Variants in WWOX observed in about 807,000 individuals in gnomAD.
The protein encoded by WWOX is WW domain-containing oxidoreductase.
In WWOX, 69 loss-of-function variants were observed where a neutral mutation model predicts 46.2. That is an observed-to-expected ratio of 1.49 (90% confidence interval 1.23 to 1.82). WWOX has a LOEUF of 1.82. Ranked by LOEUF, WWOX falls within the 40% of genes most tolerant of loss-of-function variation. The pLI, the probability that WWOX is intolerant of heterozygous loss-of-function variation, is 0.00. For missense variants in WWOX, 919 were observed against 542.6 expected, an observed-to-expected ratio of 1.69 and a Z score of -6.89; for synonymous variants, 359 against 202.6, an observed-to-expected ratio of 1.77 and a Z score of -6.56.
intron 5 of WWOX, among the ~76,000 whole-genome samples, chr16:78,226,989 G>T (rs1008990107): frequency 6.6e-6 from 1 of 152,148 alleles, no homozygotes; most frequent in Non-Finnish European, 1.5e-5. Flanking sequence ...AAAAACAAGA[G>T]GGATTTCTGT....
intron 8 of WWOX, among the ~76,000 whole-genome samples, chr16:78,927,392 A>G (rs949123344): frequency 3.3e-5 from 5 of 152,216 alleles, no homozygotes; most frequent in African/African-American, 9.6e-5. Flanking sequence ...GACCATCAAT[A>G]ACTGTTCTTA....
At chr16:78,335,359 T>A (rs113282899) in intron 5 of WWOX, among the ~76,000 whole-genome samples, 3 of 152,170 alleles carry the variant, frequency 2.0e-5, no homozygotes, top group African/African-American at 7.2e-5. Context: ...CTCCCACTTA[T>A]AAACGAGAGC....
At chr16:78,767,950 T>C (rs2049964391) in intron 8 of WWOX, among the ~76,000 whole-genome samples, 1 of 152,146 alleles carries the variant, frequency 6.6e-6, no homozygotes, top group South Asian at 2.1e-4. Context: ...ACCACGAGTT[T>C]GGACTGTGCT....
At chr16:78,504,919 T>C (rs908279463) in intron 8 of WWOX, among the ~76,000 whole-genome samples, 2 of 152,122 alleles carry the variant, frequency 1.3e-5, no homozygotes, top group South Asian at 2.1e-4. Context: ...ATATAAATAA[T>C]GACTGGGAAA....
chr16:79,158,603 A>C (rs1313536366), intron 8 of WWOX, among the ~76,000 whole-genome samples: 1 of 152,148 alleles, frequency 6.6e-6, no homozygotes, highest in Non-Finnish European at 1.5e-5. Context: ...GAACACACCA[A>C]GTTCCTGCAT....
chr16:78,970,432 C>A (rs1275438014), intron 8 of WWOX, among the ~76,000 whole-genome samples: 2 of 152,198 alleles, frequency 1.3e-5, no homozygotes, highest in Admixed American at 6.5e-5. Context: ...GACAAAGGTG[C>A]AACTCTTGCT....
intron 8 of WWOX, among the ~76,000 whole-genome samples, chr16:78,471,620 G>T (rs2084223469): frequency 6.6e-6 from 1 of 152,074 alleles, no homozygotes; most frequent in African/African-American, 2.4e-5. Flanking sequence ...TTTCTTCTGT[G>T]ACTTTGTACT....
At chr16:78,281,607 C>G (rs562837481) in intron 5 of WWOX, among the ~76,000 whole-genome samples, 1 of 152,040 alleles carries the variant, frequency 6.6e-6, no homozygotes, top group Non-Finnish European at 1.5e-5. Flanking sequence ...CCTCATAGTG[C>G]GAAAACAGGC....
intron 8 of WWOX, among the ~76,000 whole-genome samples, chr16:78,516,218 G>C (rs2043232610): frequency 1.3e-5 from 2 of 152,142 alleles, no homozygotes; most frequent in African/African-American, 2.4e-5. Flanking sequence ...TCTTCTCTGA[G>C]CTCTTCCATC....
chr16:78,193,774 G>A (rs73568332), intron 5 of WWOX, among the ~76,000 whole-genome samples: 31,613 of 151,500 alleles, frequency 0.21, 3,530 homozygotes, highest in African/African-American at 0.29. Context: ...TTGGAGGGTG[G>A]ATGAGAGTGA....
At chr16:78,381,309 T>G (rs2081952585) in intron 5 of WWOX, among the ~76,000 whole-genome samples, 1 of 152,244 alleles carries the variant, frequency 6.6e-6, no homozygotes, top group Admixed American at 6.5e-5. Flanking sequence ...CTTGAGTCAC[T>G]AACACAGGTT....
intron 8 of WWOX, among the ~76,000 whole-genome samples, chr16:78,679,909 G>A (rs574638702): frequency 9.9e-5 from 15 of 152,258 alleles, no homozygotes; most frequent in Admixed American, 7.8e-4. Flanking sequence ...CAGACACTCC[G>A]TAACCAATGG....
chr16:78,851,293 T>TA (rs2052437243), intron 8 of WWOX, among the ~76,000 whole-genome samples: 1 of 152,220 alleles, frequency 6.6e-6, no homozygotes, highest in African/African-American at 2.4e-5. Flanking sequence ...ACAGGAGCTA[T>TA]AATTATCACA....
chr16:78,939,754 C>G (rs1490594801), intron 8 of WWOX, among the ~76,000 whole-genome samples: 1 of 152,194 alleles, frequency 6.6e-6, no homozygotes, highest in African/African-American at 2.4e-5. Context: ...AACCCAGCCC[C>G]TTTTAATGAC....
At chr16:79,184,052 G>C (rs1271444215) in intron 8 of WWOX, among the ~76,000 whole-genome samples, 9 of 152,178 alleles carry the variant, frequency 5.9e-5, no homozygotes, top group African/African-American at 9.7e-5. Flanking sequence ...TGCTGGAGGA[G>C]GCAAGCATGA....
chr16:78,383,340 G>A (rs1369956341), intron 5 of WWOX, among the ~76,000 whole-genome samples: 2 of 152,002 alleles, frequency 1.3e-5, no homozygotes, highest in African/African-American at 4.8e-5. Context: ...TGGGTATAGG[G>A]TGTTCTCTGT....
intron 8 of WWOX, among the ~76,000 whole-genome samples, chr16:78,533,716 T>A (rs114789843): frequency 6.6e-6 from 1 of 152,186 alleles, no homozygotes; most frequent in Non-Finnish European, 1.5e-5. Context: ...GTGCTCCAGG[T>A]CTGAGCAGAA....
At chr16:78,723,851 A>G (rs9939915) in intron 8 of WWOX, among the ~76,000 whole-genome samples, 16,537 of 151,878 alleles carry the variant, frequency 0.11, 1,279 homozygotes, top group African/African-American at 0.2. Flanking sequence ...AATTTCAGTG[A>G]TTTCACATTT....
chr16:78,322,536 ATGAAGTAACT>A (rs1435346931), intron 5 of WWOX, among the ~76,000 whole-genome samples: 1 of 152,222 alleles, frequency 6.6e-6, no homozygotes, highest in Non-Finnish European at 1.5e-5. Flanking sequence ...GGATTCACAG[ATGAAGTAACT>A]TGCCCCTAGC....
Sources: allele counts gnomAD v4.1 joint callset (sites outside exome capture counted in the v4.1 genomes callset), GRCh38; gene constraint gnomAD v4.1.1; transcripts MANE v1.5; gene names NCBI Gene and HGNC (gene_info 2026-07-23, HGNC 2026-07-21).